The following ABI1 variants were observed in gnomAD, a reference collection of about 807,000 sequenced individuals.
ABI1 encodes abl interactor 1.
ABI1 carries 14 observed loss-of-function variants against 54.6 expected under a neutral mutation model. The ratio of observed to expected loss-of-function variants is 0.26; its 90% CI spans 0.17 to 0.40. ABI1 has a LOEUF of 0.40. ABI1 is among the 10% of genes least tolerant of loss of function. ABI1 has a pLI of 1.00. For missense variants in ABI1, 443 were observed against 598.3 expected, an observed-to-expected ratio of 0.74 and a Z score of 2.71; for synonymous variants, 194 against 209.3, an observed-to-expected ratio of 0.93 and a Z score of 0.63.
chr10:26,747,903 GA>G lies in ABI1; in HGVS notation c.*666del. The G allele has an allele frequency of 1.0e-5, 2 of 194,516 alleles. No individual in the cohort carries two copies. Among genetic ancestry groups the G allele is most frequent in the African/African-American group, 2.3e-5 (1 of 43,206 alleles). The allele number at this position is 194,516 out of a possible 1,614,324, so 12.0% of individuals were successfully genotyped here. On this transcript the variant is annotated 3_prime_UTR_variant, in exon 11 of 11. Coordinates refer to ENST00000376140, the MANE Select transcript of ABI1 (RefSeq NM_001012750.3). The stretch of plus-strand genomic sequence containing the variant: ...TGGTTCACTTATGTATTTATGAATG[GA>G]AAAAGTTTATAATGCAAATTTCACT...
intron 2 of ABI1, among the ~76,000 whole-genome samples, chr10:26,787,635 C>T (rs1162720519): frequency 6.6e-6 from 1 of 152,198 alleles, no homozygotes; most frequent in Admixed American, 6.5e-5. Flanking sequence ...TGCATATGTT[C>T]ACCAAGCGAG....
intron 2 of ABI1, among the ~76,000 whole-genome samples, chr10:26,822,460 C>T (rs1279353354): frequency 1.3e-5 from 2 of 152,068 alleles, no homozygotes; most frequent in African/African-American, 4.8e-5. Context: ...AAAAACAACC[C>T]AGATTTCCAT....
At chr10:26,833,220 C>T (rs1339017373) in intron 1 of ABI1, among the ~76,000 whole-genome samples, 2 of 152,064 alleles carry the variant, frequency 1.3e-5, no homozygotes, top group Admixed American at 1.3e-4. Context: ...GGGGCATACT[C>T]TCTTCTTTAA....
At chr10:26,762,147 C>T (rs552541413) in intron 7 of ABI1, among the ~76,000 whole-genome samples, 1 of 152,222 alleles carries the variant, frequency 6.6e-6, no homozygotes, top group Non-Finnish European at 1.5e-5. Flanking sequence ...GCTGGGGCTA[C>T]AGGCATGCAT....
intron 8 of ABI1, among the ~76,000 whole-genome samples, chr10:26,756,906 A>G (rs1001579951): frequency 6.6e-6 from 1 of 152,174 alleles, no homozygotes; most frequent in Non-Finnish European, 1.5e-5. Flanking sequence ...GAAGTAACAA[A>G]GCAATTATGT....
intron 2 of ABI1, among the ~76,000 whole-genome samples, chr10:26,808,975 A>G (rs1365129963): frequency 6.6e-6 from 1 of 151,636 alleles, no homozygotes; most frequent in Non-Finnish European, 1.5e-5. Flanking sequence ...AAGGACATTT[A>G]AAAAAAACAA....
chr10:26,770,355 A>G lies in ABI1; in HGVS notation c.478-10T>C. ...GCTGGTTATTTCCATGCTAAAATGT[A>G]GAAAGAAATGCTTTTATTTTTATAT... On this transcript the variant is annotated splice_polypyrimidine_tract_variant and intron_variant, in intron 4 of 10. Transcript: ENST00000376140. The G allele has an allele frequency of 6.2e-7, 1 of 1,609,076 alleles. No homozygotes were observed. The highest frequency in any genetic ancestry group is 8.5e-7 in the Non-Finnish European group (1 of 1,175,438).
chr10:26,790,259 A>T (rs1843241218), intron 2 of ABI1, among the ~76,000 whole-genome samples: 3 of 152,216 alleles, frequency 2.0e-5, no homozygotes, highest in Non-Finnish European at 4.4e-5. Flanking sequence ...GCAGTGTAAA[A>T]GCATTCCTTT....
rs183272196 is a variant in ABI1 at position 26,815,568 on chromosome 10, A to G, written c.285+7570T>C. Among the ~76,000 whole-genome samples, 4 of 152,380 alleles carry G rather than the reference A, an allele frequency of 2.6e-5. No individual in the cohort carries two copies. In the East Asian group the frequency reaches 7.7e-4, roughly 29 times the overall value. On this transcript the variant is annotated intron_variant, in intron 2 of 10. Coordinates refer to ENST00000376140, the MANE Select transcript of ABI1 (RefSeq NM_001012750.3). Reference sequence around the variant, plus strand: ...CACAGTTCTGATACGCATGAATTTCAGTTACCATATTTTAGTTAACACCAG... The same window carrying G: ...CACAGTTCTGATACGCATGAATTTCGGTTACCATATTTTAGTTAACACCAG...
At chr10:26,752,781 C>T (rs954422655) in intron 9 of ABI1, among the ~76,000 whole-genome samples, 1 of 152,044 alleles carries the variant, frequency 6.6e-6, no homozygotes, top group African/African-American at 2.4e-5. Context: ...AGTATAATAT[C>T]AGGTAAAAAT....
At chr10:26,791,285 T>C (rs1265567350) in intron 2 of ABI1, among the ~76,000 whole-genome samples, 1 of 152,122 alleles carries the variant, frequency 6.6e-6, no homozygotes, top group Non-Finnish European at 1.5e-5. Context: ...AATTATATTT[T>C]ACTTCAAGTT....
chr10:26,777,678 G>A (rs1841587355), intron 2 of ABI1, among the ~76,000 whole-genome samples: 1 of 152,130 alleles, frequency 6.6e-6, no homozygotes, highest in South Asian at 2.1e-4. Context: ...GGGACATGAA[G>A]TGAGAGGATT....
chr10:26,762,009 GC>G (rs1425770174), intron 7 of ABI1, among the ~76,000 whole-genome samples: 1 of 151,842 alleles, frequency 6.6e-6, no homozygotes, highest in Admixed American at 6.6e-5. Context: ...TCTTCTTGAA[GC>G]CTTGTGTTTT....
intron 7 of ABI1, among the ~76,000 whole-genome samples, chr10:26,762,958 C>T (rs560166389): frequency 6.6e-6 from 1 of 152,308 alleles, no homozygotes; most frequent in South Asian, 2.1e-4. Flanking sequence ...CACACATCCT[C>T]ACCAACACTG....
intron 6 of ABI1, among the ~76,000 whole-genome samples, chr10:26,767,652 T>A (rs1003817485): frequency 2.0e-5 from 3 of 152,190 alleles, no homozygotes; most frequent in Admixed American, 1.3e-4. Context: ...TTCATCAAGC[T>A]GTATACTTAC....
chr10:26,769,325 T>C (rs896977516), intron 5 of ABI1, among the ~76,000 whole-genome samples: 1 of 152,216 alleles, frequency 6.6e-6, no homozygotes, highest in African/African-American at 2.4e-5. Flanking sequence ...CAGTCACCCA[T>C]AAGCCACTGT....
chr10:26,844,727 G>A (rs947129605), intron 1 of ABI1, among the ~76,000 whole-genome samples: 23 of 152,214 alleles, frequency 1.5e-4, no homozygotes, highest in Admixed American at 6.5e-4. Context: ...TTCTGTAGGC[G>A]CATTAGCTTT....
intron 2 of ABI1, among the ~76,000 whole-genome samples, chr10:26,794,062 G>A (rs1843800338): frequency 6.6e-6 from 1 of 152,120 alleles, no homozygotes; most frequent in African/African-American, 2.4e-5. Flanking sequence ...GGCCAACATG[G>A]TGAAACGCCA....
At chr10:26,793,697 T>C (rs1588895708) in intron 2 of ABI1, among the ~76,000 whole-genome samples, 1 of 152,330 alleles carries the variant, frequency 6.6e-6, no homozygotes, top group East Asian at 1.9e-4. Context: ...GTGATAATCA[T>C]TTTTTATCCA....
Sources: allele counts gnomAD v4.1 joint callset (sites outside exome capture counted in the v4.1 genomes callset), GRCh38; gene constraint gnomAD v4.1.1; transcripts MANE v1.5; gene names NCBI Gene and HGNC (gene_info 2026-07-23, HGNC 2026-07-21).